The following COL4A2 variants were observed in gnomAD, a reference collection of about 807,000 sequenced individuals.
COL4A2 encodes the protein collagen type IV alpha 2 chain, also known as collagen alpha-2(IV) chain.
A neutral mutation model predicts 200.2 loss-of-function variants in COL4A2; 99 were observed. That is an observed-to-expected ratio of 0.49 (90% CI 0.42 to 0.58). The LOEUF (loss-of-function observed/expected upper bound fraction) is 0.58, where lower values mean the gene tolerates loss of function less well. Ranked by LOEUF, COL4A2 falls within the 20% of genes least tolerant of loss-of-function variation. The pLI is 0.00. For synonymous variants in COL4A2, 897 were observed against 900.6 expected, an observed-to-expected ratio of 1.00 and a Z score of 0.07; for missense variants, 1,950 against 2,314.1, an observed-to-expected ratio of 0.84 and a Z score of 3.23.
Position 110,495,464 on chromosome 13 carries a change from C to T in COL4A2, c.3757C>T (p.Pro1253Ser). The change falls in exon 40 of 48, where the codon CCA becomes TCA. Residue 1253 changes from proline (P) to serine (S), a missense_variant. By Grantham distance (74) the Pro-to-Ser change is moderately conservative. Around this residue, in one of 2 missense-constraint regions of COL4A2, gnomAD observed 1,385 missense variants for 1,720.5 expected, o/e 0.80. Coordinates refer to ENST00000360467, the MANE Select transcript of COL4A2 (RefSeq NM_001846.4). ...VPGQKGDQGA[P>S]GERGPPGSPG... ...AGGACAGAAAGGAGACCAAGGAGCT[C>T]CAGGTGAGGCCACACATTCCAAGCC... 1 of 1,611,866 alleles carries T rather than the reference C, an allele frequency of 6.2e-7. No individual in the cohort carries two copies. Among genetic ancestry groups the T allele is most frequent in the Non-Finnish European group, 8.5e-7 (1 of 1,179,276 alleles).
chr13:110,399,896 G>A (rs771287606), intron 4 of COL4A2, among the ~76,000 whole-genome samples: 2 of 152,170 alleles, frequency 1.3e-5, no homozygotes, highest in Admixed American at 6.5e-5. Flanking sequence ...GATAATTGCA[G>A]AAGTTCCATC....
At chr13:110,383,546 T>C (rs1222458526) in intron 4 of COL4A2, among the ~76,000 whole-genome samples, 2 of 150,502 alleles carry the variant, frequency 1.3e-5, no homozygotes, top group African/African-American at 4.9e-5. Context: ...TTTATACACA[T>C]AATAAACCAA....
chr13:110,490,651 C>T (rs988554608), intron 36 of COL4A2, among the ~76,000 whole-genome samples: 1 of 152,206 alleles, frequency 6.6e-6, no homozygotes, highest in South Asian at 2.1e-4. Context: ...GAGCTCTGTA[C>T]TGCTGAGCCA....
chr13:110,487,677 C>T lies in COL4A2; in HGVS notation c.3208-1768C>T, dbSNP rs189354654. ...GAGAATTCTTGGTAAAATCCAACAA[C>T]CTAACTTCATTTCCAAACTTTATGT... On this transcript the variant is annotated intron_variant, in intron 34 of 47. Coordinates refer to ENST00000360467, the MANE Select transcript of COL4A2 (RefSeq NM_001846.4). Among the ~76,000 whole-genome samples, 28 of 152,324 alleles carry T rather than the reference C, an allele frequency of 1.8e-4. 1 individual carries two copies. The highest frequency in any genetic ancestry group is 6.7e-4 in the African/African-American group (28 of 41,570).
At chr13:110,336,052 A>G (rs149666912) in intron 3 of COL4A2, among the ~76,000 whole-genome samples, 187 of 152,316 alleles carry the variant, frequency 1.2e-3, no homozygotes, top group African/African-American at 4.2e-3. Flanking sequence ...GAGCTGACAT[A>G]TGTGAAAATG....
At chr13:110,505,132 C>G (rs1437390522) in intron 45 of COL4A2, among the ~76,000 whole-genome samples, 12 of 151,450 alleles carry the variant, frequency 7.9e-5, no homozygotes, top group African/African-American at 2.9e-4. Context: ...GGGCGGATCA[C>G]AAGGGCAGGA....
chr13:110,474,127 AAAAAG>A (rs10535281), intron 29 of COL4A2, among the ~76,000 whole-genome samples: 64,130 of 150,994 alleles, frequency 0.42, 13,675 homozygotes, highest in Middle Eastern at 0.52. Flanking sequence ...ACTCTGTCTC[AAAAAG>A]AAAAGAAAAG....
rs1879436614 is a variant in COL4A2, at chr13:110,403,143, C to T, written c.181-21591C>T. On this transcript the variant is annotated intron_variant, in intron 4 of 47. Coordinates refer to ENST00000360467, the MANE Select transcript of COL4A2 (RefSeq NM_001846.4). Reference sequence around the variant, plus strand: ...CAGCATCTGGCTTCCCTCTACCATACTCATCTCTTTATCAAATGTTTGCTT... The same window carrying T: ...CAGCATCTGGCTTCCCTCTACCATATTCATCTCTTTATCAAATGTTTGCTT... Among the ~76,000 whole-genome samples, 3 of 152,128 alleles carry T rather than the reference C, an allele frequency of 2.0e-5. No individual in the cohort carries two copies. The South Asian group carries it at 6.2e-4, about 32-fold the overall frequency.
chr13:110,510,924 G>A (rs1884062021), intron 47 of COL4A2, among the ~76,000 whole-genome samples: 1 of 152,190 alleles, frequency 6.6e-6, no homozygotes, highest in Non-Finnish European at 1.5e-5. Flanking sequence ...GGCAGCTCAG[G>A]GCTGGACAGG....
At chr13:110,429,863 T>C (rs774443925) in intron 7 of COL4A2, 22 bp from the exon 8 acceptor site, 3 of 1,612,102 alleles carry the variant, frequency 1.9e-6, no homozygotes, top group South Asian at 1.1e-5. Flanking sequence ...TTTTTTCTTT[T>C]TACAATATAT....
At chr13:110,371,466 C>A (rs1300987084) in intron 4 of COL4A2, among the ~76,000 whole-genome samples, 1 of 152,152 alleles carries the variant, frequency 6.6e-6, no homozygotes, top group Non-Finnish European at 1.5e-5. Flanking sequence ...CCTAGAAAAT[C>A]TTTTCAACCT....
At chr13:110,310,319 T>A (rs1721611351) in intron 3 of COL4A2, among the ~76,000 whole-genome samples, 2 of 152,148 alleles carry the variant, frequency 1.3e-5, no homozygotes, top group African/African-American at 2.4e-5. Context: ...GACCTTCAGG[T>A]CAGACATTCC....
At chr13:110,437,607 C>G (rs1304252254) in intron 13 of COL4A2, among the ~76,000 whole-genome samples, 1 of 152,184 alleles carries the variant, frequency 6.6e-6, no homozygotes, top group Non-Finnish European at 1.5e-5. Context: ...CCATGTGTAT[C>G]TTTTTCTCAG....
At chr13:110,479,174 CA>C (rs1882804499) in intron 30 of COL4A2, among the ~76,000 whole-genome samples, 1 of 152,218 alleles carries the variant, frequency 6.6e-6, no homozygotes, top group Non-Finnish European at 1.5e-5. Flanking sequence ...TACTGAGAAT[CA>C]GCTGAACACA....
intron 4 of COL4A2, among the ~76,000 whole-genome samples, chr13:110,405,552 G>C (rs1183965071): frequency 2.6e-5 from 4 of 151,728 alleles, no homozygotes; most frequent in African/African-American, 9.7e-5. Context: ...GGACCTCCAC[G>C]TTAGACAGGG....
In COL4A2 at chr13:110,508,331, G is replaced by A. The variant is rs1883960846; in HGVS notation, c.4881+110G>A. Reference sequence around the variant, plus strand: ...GACACGGCAGTCCAGGGTGTGCACTGCACAAGGGTAGTTGGCCCAGGAAGC... The same window carrying A: ...GACACGGCAGTCCAGGGTGTGCACTACACAAGGGTAGTTGGCCCAGGAAGC... On this transcript the variant is annotated intron_variant, in intron 47 of 47. Coordinates refer to ENST00000360467, the MANE Select transcript of COL4A2 (RefSeq NM_001846.4). The surrounding 1 kb of genome is among the most constrained non-coding windows in gnomAD (Gnocchi z 6.1). 2 of 1,519,766 alleles carry A rather than the reference G, an allele frequency of 1.3e-6. No homozygotes were observed. Among genetic ancestry groups the A allele is most frequent in the Non-Finnish European group, 1.8e-6 (2 of 1,121,230 alleles). The allele number at this position is 1,519,766 out of a possible 1,614,324, so 94.1% of individuals were successfully genotyped here.
intron 4 of COL4A2, among the ~76,000 whole-genome samples, chr13:110,418,075 C>T (rs1027613530): frequency 7.2e-5 from 11 of 152,058 alleles, no homozygotes; most frequent in African/African-American, 2.4e-4. Flanking sequence ...TGTATGTTCA[C>T]CATTTGAGTC....
At position 110,436,312 on chromosome 13, in the gene COL4A2, C is replaced by T. The variant is rs1383709300; in HGVS notation, c.770C>T (p.Thr257Ile). The change falls in exon 13 of 48, where the codon ACC (threonine) becomes ATC (isoleucine). Residue 257 changes from threonine (T) to isoleucine (I), a missense_variant. Coordinates refer to ENST00000360467, the MANE Select transcript of COL4A2 (RefSeq NM_001846.4). ...GGACCCAACGGGATTCCATCAGACA[C>T]CCTCCACCCCATCATCGCGCCCACA... ...QPGPNGIPSD[T>I]LHPIIAPTGV... is the part of the protein sequence containing the mutation. 1 of 1,613,830 alleles carries T rather than the reference C, an allele frequency of 6.2e-7. No individual in the cohort carries two copies. Among genetic ancestry groups the T allele is most frequent in the African/African-American group, 1.3e-5 (1 of 74,814 alleles).
intron 34 of COL4A2, 109 bp downstream of exon 34, chr13:110,485,945 G>A (rs1216573896): frequency 4.7e-6 from 7 of 1,503,048 alleles, no homozygotes; most frequent in Non-Finnish European, 4.4e-6. Context: ...TCAGTGGCAG[G>A]TTCAGGGCAG....
Sources: gnomAD v4.1 joint callset for allele counts (sites outside exome capture counted in the v4.1 genomes callset) on GRCh38, gnomAD v4.1.1 for gene constraint, gnomAD v4.1.1 regional missense constraint, Gnocchi (gnomAD v3.1) non-coding constraint, MANE v1.5 for transcripts, NCBI Gene and HGNC (gene_info 2026-07-23, HGNC 2026-07-21) for gene names.